Variants in GRIN2A observed in about 807,000 individuals in gnomAD.
The protein encoded by GRIN2A is glutamate ionotropic receptor NMDA type subunit 2A.
A neutral mutation model predicts 113.4 loss-of-function variants in GRIN2A; 22 were observed. That is an observed-to-expected ratio of 0.19 (90% CI 0.14 to 0.28). The LOEUF (loss-of-function observed/expected upper bound fraction) is 0.28, where lower values mean the gene tolerates loss of function less well. Ranked by LOEUF, GRIN2A falls within the 10% of genes least tolerant of loss-of-function variation. The pLI is 1.00. For missense variants in GRIN2A, 1,502 were observed against 1,887.0 expected (o/e 0.80, Z 3.78); for synonymous variants, 827 against 738.4 (o/e 1.12, Z -1.94).
Position 10,180,802 on chromosome 16 carries a change from G to A in GRIN2A, c.-18-373C>T, listed in dbSNP as rs2050253537. ...TGTTCTGTACCCCACCAAGCTCCTA[G>A]GTGCACAGAATAAACCCTCCATCCA... On this transcript the variant is annotated intron_variant, in intron 1 of 12. Transcript: ENST00000330684. The surrounding 1 kb of genome is among the most constrained non-coding windows in gnomAD (Gnocchi z 7.0). 5.3e-6 allele frequency: 2 copies of A among 377,050 alleles called. No individual in the cohort carries two copies. The highest frequency in any genetic ancestry group is 2.1e-5 in the African/African-American group (1 of 48,478). The allele number at this position is 377,050 out of a possible 1,614,324, so 23.4% of individuals were successfully genotyped here. A position where few individuals can be genotyped will look rare whatever the true frequency, so the allele number is the denominator to read the frequency against.
chr16:9,971,970 TCAA>T (rs780331126), intron 2 of GRIN2A, among the ~76,000 whole-genome samples: 27 of 151,782 alleles, frequency 1.8e-4, no homozygotes, highest in Admixed American at 9.9e-4. Flanking sequence ...ACCGGGTGGC[TCAA>T]CATCTAGTGG....
intron 3 of GRIN2A, among the ~76,000 whole-genome samples, chr16:9,917,211 A>G (rs942951298): frequency 2.6e-5 from 4 of 152,126 alleles, no homozygotes; most frequent in Admixed American, 1.3e-4. Context: ...CACGTTTTCC[A>G]TCTCAGTACC....
intron 3 of GRIN2A, among the ~76,000 whole-genome samples, chr16:9,904,003 G>C (rs956756411): frequency 3.3e-5 from 5 of 152,218 alleles, no homozygotes; most frequent in Admixed American, 3.3e-4. Flanking sequence ...GGAGCACTGT[G>C]AGTTGCAGAG....
At chr16:10,076,786 A>C (rs2047881302) in intron 2 of GRIN2A, among the ~76,000 whole-genome samples, 1 of 152,156 alleles carries the variant, frequency 6.6e-6, no homozygotes, top group Admixed American at 6.5e-5. Context: ...GAAAAGCCAG[A>C]CTCAAACATC....
At chr16:9,950,263 AG>A (rs2141670906) in intron 2 of GRIN2A, among the ~76,000 whole-genome samples, 1 of 152,268 alleles carries the variant, frequency 6.6e-6, no homozygotes, top group African/African-American at 2.4e-5. Context: ...CCCACTCCCA[AG>A]CCCCTTTATG....
intron 2 of GRIN2A, among the ~76,000 whole-genome samples, chr16:9,956,241 T>C (rs928947869): frequency 6.6e-6 from 1 of 152,226 alleles, no homozygotes; most frequent in Non-Finnish European, 1.5e-5. Context: ...TTTGTTTCTG[T>C]TATTTTCATG....
intron 9 of GRIN2A, among the ~76,000 whole-genome samples, chr16:9,827,316 G>A (rs1030677659): frequency 8.5e-5 from 13 of 152,164 alleles, no homozygotes; most frequent in Non-Finnish European, 1.8e-4. Flanking sequence ...CGCTTTAGGC[G>A]GGGATCTTAC....
intron 10 of GRIN2A, among the ~76,000 whole-genome samples, chr16:9,799,095 T>C (rs1903194036): frequency 6.6e-6 from 1 of 152,304 alleles, no homozygotes; most frequent in East Asian, 1.9e-4. Context: ...TACACAGAGA[T>C]TGGCAAACTT....
chr16:9,880,806 A>G (rs1253235506), intron 4 of GRIN2A, among the ~76,000 whole-genome samples: 2 of 152,240 alleles, frequency 1.3e-5, no homozygotes, highest in Middle Eastern at 3.2e-3. Flanking sequence ...TGTTCAAACG[A>G]GAAATCCTCC....
intron 2 of GRIN2A, among the ~76,000 whole-genome samples, chr16:10,011,615 G>C (rs1350041386): frequency 1.3e-5 from 2 of 152,316 alleles, no homozygotes; most frequent in Middle Eastern, 3.4e-3. Flanking sequence ...GATCCCTAGA[G>C]AGGCTCTCCT....
chr16:10,161,806 C>A (rs899511488), intron 2 of GRIN2A, among the ~76,000 whole-genome samples: 2 of 152,130 alleles, frequency 1.3e-5, no homozygotes, highest in African/African-American at 2.4e-5. Context: ...GCTGGCATTC[C>A]TTGGATTACA....
chr16:9,858,460 T>C (rs1327486976), intron 4 of GRIN2A, among the ~76,000 whole-genome samples: 1 of 152,062 alleles, frequency 6.6e-6, no homozygotes, highest in African/African-American at 2.4e-5. Context: ...AGAAAAAAAA[T>C]CTTTACCTTT....
At chr16:9,929,166 A>G (rs2044533104) in intron 3 of GRIN2A, among the ~76,000 whole-genome samples, 1 of 152,224 alleles carries the variant, frequency 6.6e-6, no homozygotes, top group African/African-American at 2.4e-5. Context: ...TCTCCCCTGC[A>G]AGACCTTGCC....
chr16:9,913,370 G>C (rs2141557666), intron 3 of GRIN2A, among the ~76,000 whole-genome samples: 1 of 152,318 alleles, frequency 6.6e-6, no homozygotes, highest in East Asian at 1.9e-4. Context: ...ACAGGATCTT[G>C]AATTTGCAGA....
chr16:9,964,465 G>A (rs1367603327), intron 2 of GRIN2A, among the ~76,000 whole-genome samples: 1 of 152,132 alleles, frequency 6.6e-6, no homozygotes, highest in Non-Finnish European at 1.5e-5. Flanking sequence ...CTTGGCGGGG[G>A]CTTAAATAAT....
At chr16:10,006,180 C>A (rs2046401845) in intron 2 of GRIN2A, among the ~76,000 whole-genome samples, 1 of 152,222 alleles carries the variant, frequency 6.6e-6, no homozygotes, top group Non-Finnish European at 1.5e-5. Flanking sequence ...TCGTAGAAGT[C>A]ACCAACTGTG....
chr16:9,832,086 T>TTTTTTTTATTTA (rs1209973656), intron 8 of GRIN2A, among the ~76,000 whole-genome samples: 1 of 135,602 alleles, frequency 7.4e-6, no homozygotes, highest in Admixed American at 7.6e-5. Flanking sequence ...GCCAGGCTTA[T>TTTTTTTTATTTA]TTTATTTATT....
At chr16:10,155,357 A>G (rs1316349335) in intron 2 of GRIN2A, among the ~76,000 whole-genome samples, 1 of 152,194 alleles carries the variant, frequency 6.6e-6, no homozygotes, top group Admixed American at 6.6e-5. Context: ...CATCAGCACC[A>G]GTAATCAACA....
At chr16:10,115,739 ACT>A (rs1171148341) in intron 2 of GRIN2A, among the ~76,000 whole-genome samples, 3 of 152,206 alleles carry the variant, frequency 2.0e-5, no homozygotes, top group Admixed American at 1.3e-4. Context: ...GCGTGGGGAC[ACT>A]GTTTCTCAGA....
Sources: allele counts gnomAD v4.1 joint callset (sites outside exome capture counted in the v4.1 genomes callset), GRCh38; gene constraint gnomAD v4.1.1; non-coding constraint Gnocchi (gnomAD v3.1); transcripts MANE v1.5; gene names NCBI Gene and HGNC (gene_info 2026-07-23, HGNC 2026-07-21).